Variants in BICD1 observed in about 807,000 individuals in gnomAD.
BICD1 encodes protein bicaudal D homolog 1.
In BICD1, 35 loss-of-function variants were observed where a neutral mutation model predicts 92.5. The ratio of observed to expected loss-of-function variants is 0.38; its 90% CI spans 0.29 to 0.50. The LOEUF is 0.50. Ranked by LOEUF, BICD1 falls within the 20% of genes least tolerant of loss-of-function variation. BICD1 has a pLI of 0.93. For missense variants in BICD1, 950 were observed against 1,189.8 expected, an observed-to-expected ratio of 0.80 and a Z score of 2.97; for synonymous variants, 429 against 465.1, an observed-to-expected ratio of 0.92 and a Z score of 1.00.
At chr12:32,242,234 A>G (rs1946257867) in intron 2 of BICD1, among the ~76,000 whole-genome samples, 1 of 150,582 alleles carries the variant, frequency 6.6e-6, no homozygotes, top group Middle Eastern at 3.2e-3. Flanking sequence ...AAAAAAAAAA[A>G]AAAAAAAAAG....
chr12:32,354,031 C>T (rs900124812), intron 8 of BICD1: 19 of 152,206 alleles, frequency 1.2e-4, no homozygotes, highest in African/African-American at 3.9e-4. Flanking sequence ...ATTGATAACA[C>T]ACATGCTCAT....
At position 32,107,043 on chromosome 12, in the gene BICD1, G is replaced by A. The variant is rs922551704; in HGVS notation, c.-289G>A. 5.4e-6 allele frequency: 2 copies of A among 373,566 alleles called. No individual in the cohort carries two copies. Among genetic ancestry groups the A allele is most frequent in the African/African-American group, 4.2e-5 (2 of 47,162 alleles). 23.1% of individuals were successfully genotyped at this position (373,566 alleles called of 1,614,324 possible). A position where few individuals can be genotyped will look rare whatever the true frequency, so the allele number is the denominator to read the frequency against. Reference sequence around the variant, plus strand: ...CGCCGCAGCCCGGGCCATGCCGCACGGCTGCTGACCGCACGCAGGGGCCGG... The same window carrying A: ...CGCCGCAGCCCGGGCCATGCCGCACAGCTGCTGACCGCACGCAGGGGCCGG... On this transcript the variant is annotated 5_prime_UTR_variant, in exon 1 of 10. Transcript: ENST00000652176.
chr12:32,194,665 T>G (rs976382339), intron 1 of BICD1, among the ~76,000 whole-genome samples: 9 of 152,120 alleles, frequency 5.9e-5, no homozygotes, highest in African/African-American at 2.2e-4. Flanking sequence ...GTGGATCACA[T>G]GAGGTTGGGA....
intron 4 of BICD1, among the ~76,000 whole-genome samples, chr12:32,317,365 C>T (rs28842321): frequency 0.14 from 22,053 of 152,138 alleles, 1,773 homozygotes; most frequent in Admixed American, 0.26. Flanking sequence ...CTCTCCAGCA[C>T]CTGTTGTTTC....
intron 2 of BICD1, among the ~76,000 whole-genome samples, chr12:32,217,383 G>C (rs1945391384): frequency 6.6e-6 from 1 of 152,122 alleles, no homozygotes; most frequent in Non-Finnish European, 1.5e-5. Context: ...ATCCACATTT[G>C]AAATAAGTGA....
intron 2 of BICD1, among the ~76,000 whole-genome samples, chr12:32,234,615 A>C (rs1017414595): frequency 6.7e-6 from 1 of 150,254 alleles, no homozygotes; most frequent in African/African-American, 2.4e-5. Flanking sequence ...AAAAAGAAAG[A>C]AAGAAAGAAA....
At chr12:32,220,591 A>G (rs1293523462) in intron 2 of BICD1, among the ~76,000 whole-genome samples, 3 of 150,122 alleles carry the variant, frequency 2.0e-5, no homozygotes, top group South Asian at 4.3e-4. Context: ...AAGTCAGGAA[A>G]CAACAGGTGC....
intron 8 of BICD1, among the ~76,000 whole-genome samples, chr12:32,354,358 A>G (rs1939015480): frequency 6.6e-6 from 1 of 152,190 alleles, no homozygotes; most frequent in Non-Finnish European, 1.5e-5. Flanking sequence ...CATTTATGTG[A>G]AGGAGGAACC....
intron 9 of BICD1, among the ~76,000 whole-genome samples, chr12:32,373,044 G>A (rs1939800168): frequency 6.6e-6 from 1 of 151,948 alleles, no homozygotes. Context: ...GAGTTGTTTG[G>A]TATTTAGCAC....
At chr12:32,252,040 A>G (rs1946545977) in intron 2 of BICD1, among the ~76,000 whole-genome samples, 2 of 128,862 alleles carry the variant, frequency 1.6e-5, no homozygotes, top group South Asian at 4.3e-4. Flanking sequence ...TATAATATAT[A>G]TTTATAATAA....
chr12:32,160,860 A>G (rs537406745), intron 1 of BICD1, among the ~76,000 whole-genome samples: 49 of 152,328 alleles, frequency 3.2e-4, no homozygotes, highest in African/African-American at 1.1e-3. Flanking sequence ...TAACACATGA[A>G]GGTAGATAAT....
chr12:32,269,847 G>A (rs1336029174), intron 2 of BICD1, among the ~76,000 whole-genome samples: 3 of 151,778 alleles, frequency 2.0e-5, no homozygotes, highest in Non-Finnish European at 2.9e-5. Context: ...TTATCATATC[G>A]GGCTGAGCAG....
chr12:32,205,973 G>C lies in BICD1; in HGVS notation c.214-10274G>C, dbSNP rs930926508. 1.4e-4 allele frequency among the ~76,000 whole-genome samples: 21 copies of C among 151,982 alleles called. 1 individual carries two copies. Among genetic ancestry groups the C allele is most frequent in the Non-Finnish European group, 1.5e-5 (1 of 68,018 alleles). On this transcript the variant is annotated intron_variant, in intron 1 of 9. Coordinates refer to ENST00000652176, the MANE Select transcript of BICD1 (RefSeq NM_001714.4). ...TGTTACTGAATGTACTCTTGCTTTT[G>C]TCTGGCTTCTTTTACTTAGCATAAT... is the stretch of plus-strand genomic sequence containing the variant.
intron 2 of BICD1, among the ~76,000 whole-genome samples, chr12:32,235,990 G>T (rs1012192970): frequency 1.3e-5 from 2 of 151,514 alleles, no homozygotes; most frequent in Non-Finnish European, 2.9e-5. Context: ...GAGCCACTGC[G>T]CCTGGCCCAA....
At chr12:32,210,185 T>C (rs955206812) in intron 1 of BICD1, among the ~76,000 whole-genome samples, 4 of 151,952 alleles carry the variant, frequency 2.6e-5, no homozygotes, top group African/African-American at 9.7e-5. Flanking sequence ...GTGCCTGACA[T>C]AGTACAGTGC....
At chr12:32,356,236 C>T (rs540415914) in intron 8 of BICD1, among the ~76,000 whole-genome samples, 3 of 152,294 alleles carry the variant, frequency 2.0e-5, no homozygotes, top group East Asian at 3.9e-4. Context: ...GTCACTTCTT[C>T]AGTGTCCCTA....
chr12:32,186,732 G>C (rs1167440607), intron 1 of BICD1, among the ~76,000 whole-genome samples: 1 of 152,110 alleles, frequency 6.6e-6, no homozygotes, highest in Non-Finnish European at 1.5e-5. Flanking sequence ...ATTCATTTCT[G>C]AATTTTTTTC....
chr12:32,241,851 C>T (rs1946245063), intron 2 of BICD1, among the ~76,000 whole-genome samples: 1 of 151,814 alleles, frequency 6.6e-6, no homozygotes, highest in Admixed American at 6.6e-5. Flanking sequence ...AACTAGATTT[C>T]CAGGAAATTT....
At chr12:32,143,465 G>T (rs372405878) in intron 1 of BICD1, among the ~76,000 whole-genome samples, 1,950 of 151,380 alleles carry the variant, frequency 0.013, 41 homozygotes, top group African/African-American at 0.043. Context: ...ATTTTTTTTT[G>T]TGTGTGTGTG....
Sources: gnomAD v4.1 joint callset for allele counts (sites outside exome capture counted in the v4.1 genomes callset) on GRCh38, gnomAD v4.1.1 for gene constraint, MANE v1.5 for transcripts, NCBI Gene and HGNC (gene_info 2026-07-23, HGNC 2026-07-21) for gene names.